DVL3: variants seen among roughly 807,000 people sequenced by gnomAD.
DVL3 encodes dishevelled segment polarity protein 3, also known as segment polarity protein dishevelled homolog DVL-3.
Under a neutral mutation model 67.4 loss-of-function variants are expected in DVL3, and 27 were observed. That is an observed-to-expected ratio of 0.40 (90% CI 0.30 to 0.55). DVL3 has a LOEUF of 0.55. Among genes scored for constraint, DVL3 ranks in the 20% least tolerant of loss-of-function variants. The pLI, the probability that DVL3 is intolerant of heterozygous loss-of-function variation, is 0.46. For missense variants in DVL3, 819 were observed against 1,021.5 expected (o/e 0.80, Z 2.70); for synonymous variants, 369 against 396.8 (o/e 0.93, Z 0.83).
chr3:184,172,948 T>C lies in DVL3; in HGVS notation c.*2193T>C, dbSNP rs1714898194. 1 of 152,286 alleles carries C rather than the reference T, an allele frequency of 6.6e-6. No homozygotes were observed. Among genetic ancestry groups the C allele is most frequent in the Admixed American group, 6.5e-5 (1 of 15,278 alleles). 9.4% of individuals were successfully genotyped at this position (152,286 alleles called of 1,614,324 possible). A position where few individuals can be genotyped will look rare whatever the true frequency, so the allele number is the denominator to read the frequency against. ...TTGAGAATTTCTCAACGATTGCTCA[T>C]GCCTGTCAGTATCAGTGCTTCCATC... On this transcript the variant is annotated 3_prime_UTR_variant, in exon 15 of 15. Coordinates refer to ENST00000313143, the MANE Select transcript of DVL3 (RefSeq NM_004423.4).
At position 184,172,588 on chromosome 3, in the gene DVL3, G is replaced by C. The variant is rs1354957214; in HGVS notation, c.*1833G>C. 1 of 152,140 alleles carries C rather than the reference G, an allele frequency of 6.6e-6. No homozygotes were observed. The highest frequency in any genetic ancestry group is 2.4e-5 in the African/African-American group (1 of 41,428). 9.4% of individuals were successfully genotyped at this position (152,140 alleles called of 1,614,324 possible). A position where few individuals can be genotyped will look rare whatever the true frequency, so the allele number is the denominator to read the frequency against. ...GTCTCTACTAAAAATACAAAAATTA[G>C]ATGGGTGTTTTGGCACCTGCCTGTA... On this transcript the variant is annotated 3_prime_UTR_variant, in exon 15 of 15. Coordinates refer to ENST00000313143, the MANE Select transcript of DVL3 (RefSeq NM_004423.4).
Position 184,167,855 on chromosome 3 carries a change from A to G in DVL3, c.1331-43A>G, listed in dbSNP as rs1467972842. ...AGCTTCTGTGAGGCCAGATGAGTCC[A>G]AGTCAGATGGGCCTCCCCATCAACT... On this transcript the variant is annotated intron_variant, in intron 12 of 14. Transcript: ENST00000313143. This position sits in a 1 kb window ranked among gnomAD's most constrained non-coding sequence, Gnocchi z 4.6. 6.2e-7 allele frequency: 1 copy of G among 1,613,708 alleles called. No individual in the cohort carries two copies. The highest frequency in any genetic ancestry group is 8.5e-7 in the Non-Finnish European group (1 of 1,179,864).
rs1439082953 is a variant in DVL3 at position 184,170,910 on chromosome 3, T to G, written c.*155T>G. 5 of 1,544,184 alleles carry G rather than the reference T, an allele frequency of 3.2e-6. No individual in the cohort carries two copies. The East Asian group carries it at 7.4e-5, about 23-fold the overall frequency. On this transcript the variant is annotated 3_prime_UTR_variant, in exon 15 of 15. Coordinates refer to ENST00000313143, the MANE Select transcript of DVL3 (RefSeq NM_004423.4). The surrounding 1 kb of genome is among the most constrained non-coding windows in gnomAD (Gnocchi z 6.5). The stretch of plus-strand genomic sequence containing the variant: ...AACTGCTCGCAGGGTGCTGCGAGGG[T>G]GGGGTGCACCTACCGATTGGCTCTG...
In DVL3 at chr3:184,170,589, A is replaced by T; in HGVS notation, c.1985A>T (p.Tyr662Phe). 6.5e-7 allele frequency: 1 copy of T among 1,537,306 alleles called. No homozygotes were observed. The highest frequency in any genetic ancestry group is 1.7e-4 in the Middle Eastern group (1 of 5,792). Residue 662 changes from tyrosine to phenylalanine, a missense_variant, in exon 15 of 15, where the codon TAC becomes TTC. Physicochemically the swap from Tyr to Phe is conservative, Grantham distance 22. Around this residue, in one of 3 missense-constraint regions of DVL3, gnomAD observed 324 missense variants for 331.3 expected, o/e 0.98. Transcript: ENST00000313143. The surrounding 1 kb of genome is among the most constrained non-coding windows in gnomAD (Gnocchi z 6.5). ...SYGPPGVPPLYGPPMLMMPPP... is the reference protein window; with the variant it reads ...SYGPPGVPPLFGPPMLMMPPP... ...GGTCCTCCCGGAGTGCCCCCTCTCTACGGCCCCCCCATGCTGATGATGCCC... is the reference window on the plus strand; with the variant it reads ...GGTCCTCCCGGAGTGCCCCCTCTCTTCGGCCCCCCCATGCTGATGATGCCC...
At position 184,156,809 on chromosome 3, in the gene DVL3, C is replaced by A. The variant is rs550589379; in HGVS notation, c.161+1013C>A. On this transcript the variant is annotated intron_variant, in intron 1 of 14. Transcript: ENST00000313143. The stretch of plus-strand genomic sequence containing the variant: ...CCGCCTCACTAACTGGGCGCTGGGC[C>A]TGGAGGCGGTGGGGAAGGCCCCTCC... The A allele has an allele frequency of 1.1e-3, 314 of 280,958 alleles. 3 individuals carry two copies. The highest frequency in any genetic ancestry group is 0.01 in the South Asian group (305 of 30,118). 17.4% of individuals were successfully genotyped at this position (280,958 alleles called of 1,614,324 possible). A position where few individuals can be genotyped will look rare whatever the true frequency, so the allele number is the denominator to read the frequency against.
intron 1 of DVL3, among the ~76,000 whole-genome samples, chr3:184,162,424 G>A (rs937852523): frequency 1.1e-4 from 17 of 152,052 alleles, no homozygotes; most frequent in African/African-American, 3.6e-4. Flanking sequence ...GGCCTCAAGC[G>A]ATCCTCCTGC....
At position 184,166,960 on chromosome 3, in the gene DVL3, A is replaced by G. The variant is rs1190755976; in HGVS notation, c.1183A>G (p.Ile395Val). 6.2e-7 allele frequency: 1 copy of G among 1,613,870 alleles called. No homozygotes were observed. The highest frequency in any genetic ancestry group is 1.7e-5 in the Admixed American group (1 of 59,994). The change falls in exon 11 of 15, where the codon ATC becomes GTC. Residue 395 changes from isoleucine (I) to valine (V), a missense_variant. Physicochemically the swap from Ile to Val is conservative, Grantham distance 29. Transcript: ENST00000313143. The surrounding 1 kb of genome is among the most constrained non-coding windows in gnomAD (Gnocchi z 6.7). ...CACCAGCTCCTCCATCACCAGTTCCATCCCTGACACAGAGCGTGAGTGTCC... is the reference window on the plus strand; with the variant it reads ...CACCAGCTCCTCCATCACCAGTTCCGTCCCTGACACAGAGCGTGAGTGTCC... ...TSTSSSITSS[I>V]PDTERLDDFH... is the part of the protein sequence containing the mutation.
chr3:184,166,682 A>T lies in DVL3; in HGVS notation c.1048+9A>T. On this transcript the variant is annotated intron_variant, in intron 10 of 14. Coordinates refer to ENST00000313143, the MANE Select transcript of DVL3 (RefSeq NM_004423.4). The surrounding 1 kb of genome is among the most constrained non-coding windows in gnomAD (Gnocchi z 6.7). ...CTTCACATTGCCCAGGAGTAAGTGG[A>T]TGGGAGACTCAGTCCTAAAGCTGGT... The T allele has an allele frequency of 1.2e-6, 2 of 1,613,872 alleles. No homozygotes were observed. Among genetic ancestry groups the T allele is most frequent in the Non-Finnish European group, 8.5e-7 (1 of 1,179,874 alleles).
chr3:184,155,862 T>C lies in DVL3; in HGVS notation c.161+66T>C. ...CTCTGGCTTCTAAGGGATGACGCGG[T>C]CCGTTTCGACTTGCCTCGCTACACC... On this transcript the variant is annotated intron_variant, in intron 1 of 14. Coordinates refer to ENST00000313143, the MANE Select transcript of DVL3 (RefSeq NM_004423.4). The surrounding 1 kb of genome is among the most constrained non-coding windows in gnomAD (Gnocchi z 5.4). 1 of 1,529,474 alleles carries C rather than the reference T, an allele frequency of 6.5e-7. No individual in the cohort carries two copies. Among genetic ancestry groups the C allele is most frequent in the Non-Finnish European group, 8.8e-7 (1 of 1,136,308 alleles). 94.7% of individuals were successfully genotyped at this position (1,529,474 alleles called of 1,614,324 possible).
rs1464379292 is a variant in DVL3, at chr3:184,155,915, G to A, written c.161+119G>A. The A allele has an allele frequency of 7.8e-7, 1 of 1,283,422 alleles. No homozygotes were observed. The highest frequency in any genetic ancestry group is 1.1e-6 in the Non-Finnish European group (1 of 943,048). The allele number at this position is 1,283,422 out of a possible 1,614,324, so 79.5% of individuals were successfully genotyped here. On this transcript the variant is annotated intron_variant, in intron 1 of 14. Coordinates refer to ENST00000313143, the MANE Select transcript of DVL3 (RefSeq NM_004423.4). The surrounding 1 kb of genome is among the most constrained non-coding windows in gnomAD (Gnocchi z 5.4). ...CTCCTAGCCCCGCTCTGACTTCTAG[G>A]GGCGACTCGGCCCATTTGGGCCCCT...
rs1285044727 is a variant in DVL3 at position 184,166,722 on chromosome 3, G to A, written c.1048+49G>A. On this transcript the variant is annotated intron_variant, in intron 10 of 14. Transcript: ENST00000313143. This position sits in a 1 kb window ranked among gnomAD's most constrained non-coding sequence, Gnocchi z 6.7. ...CTAAAGCTGGTGCTTACATACATGAGCACTGTCTCTCCTTTCTTCTCTCAC... is the reference window on the plus strand; with the variant it reads ...CTAAAGCTGGTGCTTACATACATGAACACTGTCTCTCCTTTCTTCTCTCAC... 1 of 1,612,116 alleles carries A rather than the reference G, an allele frequency of 6.2e-7. No homozygotes were observed.
At position 184,164,548 on chromosome 3, in the gene DVL3, C is replaced by G; in HGVS notation, c.410C>G (p.Ser137Cys). The change falls in exon 4 of 15, where the codon TCT becomes TGT. Residue 137 changes from serine (S) to cysteine (C), a missense_variant. Ser to Cys is a moderately radical substitution (Grantham distance 112, BLOSUM62 -1). Coordinates refer to ENST00000313143, the MANE Select transcript of DVL3 (RefSeq NM_004423.4). This position sits in a 1 kb window ranked among gnomAD's most constrained non-coding sequence, Gnocchi z 5.3. ...CTGGACAATGACACAGAGACGGACTCTTTGGTGTCTGCCCAGCGAGAGCGG... is the reference window on the plus strand; with the variant it reads ...CTGGACAATGACACAGAGACGGACTGTTTGGTGTCTGCCCAGCGAGAGCGG... ...ENLDNDTETDSLVSAQRERPR... is the reference protein window; with the variant it reads ...ENLDNDTETDCLVSAQRERPR... The G allele has an allele frequency of 6.3e-7, 1 of 1,579,024 alleles. No homozygotes were observed. The highest frequency in any genetic ancestry group is 8.6e-7 in the Non-Finnish European group (1 of 1,162,812).
rs1236877568 is a variant in DVL3, at chr3:184,167,589, A to G, written c.1208A>G (p.Asp403Gly). ...SSIPDTERLD[D>G]FHLSIHSDMA... ...TGCCTCCCACCCCCAGGCCTAGACG[A>G]CTTCCACTTGTCCATCCACAGTGAC... Residue 403 changes from aspartate to glycine, a missense_variant, in exon 12 of 15, where the codon GAC (aspartate) becomes GGC (glycine). Around this residue, in one of 3 missense-constraint regions of DVL3, gnomAD observed 110 missense variants for 203.4 expected, o/e 0.54. Coordinates refer to ENST00000313143, the MANE Select transcript of DVL3 (RefSeq NM_004423.4). The surrounding 1 kb of genome is among the most constrained non-coding windows in gnomAD (Gnocchi z 4.6). The G allele has an allele frequency of 2.5e-6, 4 of 1,613,770 alleles. No homozygotes were observed. Among genetic ancestry groups the G allele is most frequent in the Non-Finnish European group, 3.4e-6 (4 of 1,180,012 alleles).
Position 184,164,129 on chromosome 3 carries a change from C to G in DVL3, c.232-138C>G, listed in dbSNP as rs1398209996. 9.2e-7 allele frequency: 1 copy of G among 1,082,866 alleles called. No individual in the cohort carries two copies. The highest frequency in any genetic ancestry group is 2.4e-5 in the East Asian group (1 of 41,852). 67.1% of individuals were successfully genotyped at this position (1,082,866 alleles called of 1,614,324 possible). ...AGGGGCCACTGTTCATCTCAGCCAC[C>G]CTCGCACAGCCCTGTCTTTTCTCCC... is the stretch of plus-strand genomic sequence containing the variant. On this transcript the variant is annotated intron_variant, in intron 2 of 14. Transcript: ENST00000313143. The surrounding 1 kb of genome is among the most constrained non-coding windows in gnomAD (Gnocchi z 5.3).
chr3:184,164,622 A>C lies in DVL3; in HGVS notation c.463+21A>C, dbSNP rs781289076. 8 of 1,548,446 alleles carry C rather than the reference A, an allele frequency of 5.2e-6. No homozygotes were observed. In the South Asian group the frequency reaches 8.7e-5, roughly 17 times the overall value. ...GCATGGTATATCTTCCTGAACACGGACACTGTCCGCACCTCACACCCTCCC... is the reference window on the plus strand; with the variant it reads ...GCATGGTATATCTTCCTGAACACGGCCACTGTCCGCACCTCACACCCTCCC... On this transcript the variant is annotated intron_variant, in intron 4 of 14. Transcript: ENST00000313143. The surrounding 1 kb of genome is among the most constrained non-coding windows in gnomAD (Gnocchi z 5.3).
chr3:184,171,280 T>G lies in DVL3; in HGVS notation c.*525T>G. 9.6e-7 allele frequency: 1 copy of G among 1,039,708 alleles called. No individual in the cohort carries two copies. Among genetic ancestry groups the G allele is most frequent in the Non-Finnish European group, 1.2e-6 (1 of 864,306 alleles). 64.4% of individuals were successfully genotyped at this position (1,039,708 alleles called of 1,614,324 possible). On this transcript the variant is annotated 3_prime_UTR_variant, in exon 15 of 15. Transcript: ENST00000313143. ...CATCTGCCCCTACTAACCATCCCCC[T>G]GCCTGCTGCCTCAGTCCTGCAACCT...
Position 184,164,701 on chromosome 3 carries a change from A to G in DVL3, c.464-95A>G, listed in dbSNP as rs1714511466. ...TTGCCCTACTTCCCGAGCTCAGGAT[A>G]TGCCTGGCCCCAGTGCAGCCCCTGG... On this transcript the variant is annotated intron_variant, in intron 4 of 14. Coordinates refer to ENST00000313143, the MANE Select transcript of DVL3 (RefSeq NM_004423.4). The surrounding 1 kb of genome is among the most constrained non-coding windows in gnomAD (Gnocchi z 5.3). 1.9e-6 allele frequency: 3 copies of G among 1,586,340 alleles called. No homozygotes were observed. The highest frequency in any genetic ancestry group is 1.3e-5 in the African/African-American group (1 of 74,524).
At position 184,171,200 on chromosome 3, in the gene DVL3, G is replaced by A; in HGVS notation, c.*445G>A. On this transcript the variant is annotated 3_prime_UTR_variant, in exon 15 of 15. Coordinates refer to ENST00000313143, the MANE Select transcript of DVL3 (RefSeq NM_004423.4). ...CTATTAACCCCACCCCATCAGGCACGTGTGCAAACCTCTTGACTTTACCCC... is the reference window on the plus strand; with the variant it reads ...CTATTAACCCCACCCCATCAGGCACATGTGCAAACCTCTTGACTTTACCCC... 9.0e-7 allele frequency: 1 copy of A among 1,115,072 alleles called. No homozygotes were observed. Among genetic ancestry groups the A allele is most frequent in the Non-Finnish European group, 1.1e-6 (1 of 907,076 alleles). The allele number at this position is 1,115,072 out of a possible 1,614,324, so 69.1% of individuals were successfully genotyped here.
In DVL3 at chr3:184,164,472, A is replaced by G. The variant is rs765919453; in HGVS notation, c.354-20A>G. Reference sequence around the variant, plus strand: ...GAGCCCCCAGCCTGCCCCCTCCCCCATCAAGTCTCTTCCCTGCAGCCCTCA... The same window carrying G: ...GAGCCCCCAGCCTGCCCCCTCCCCCGTCAAGTCTCTTCCCTGCAGCCCTCA... On this transcript the variant is annotated intron_variant, in intron 3 of 14. Coordinates refer to ENST00000313143, the MANE Select transcript of DVL3 (RefSeq NM_004423.4). The surrounding 1 kb of genome is among the most constrained non-coding windows in gnomAD (Gnocchi z 5.3). 6.2e-7 allele frequency: 1 copy of G among 1,601,418 alleles called. No individual in the cohort carries two copies. Among genetic ancestry groups the G allele is most frequent in the Non-Finnish European group, 8.5e-7 (1 of 1,173,966 alleles).
Sources: allele counts gnomAD v4.1 joint callset (sites outside exome capture counted in the v4.1 genomes callset), GRCh38; gene constraint gnomAD v4.1.1; regional missense constraint gnomAD v4.1.1; non-coding constraint Gnocchi (gnomAD v3.1); transcripts MANE v1.5; gene names NCBI Gene and HGNC (gene_info 2026-07-23, HGNC 2026-07-21).